The following LMO7 variants were observed in gnomAD, a reference collection of about 807,000 sequenced individuals.
LMO7 encodes LIM domain 7.
Under a neutral mutation model 206.5 loss-of-function variants are expected in LMO7, and 120 were observed. The observed-to-expected ratio is 0.58, with a 90% CI of 0.50 to 0.68. LMO7 has a LOEUF of 0.68. LMO7 is among the 30% of genes least tolerant of loss of function. LMO7 has a pLI of 0.00. For missense variants in LMO7, 1,959 were observed against 1,957.9 expected, an observed-to-expected ratio of 1.00 and a Z score of -0.01; for synonymous variants, 706 against 681.5, an observed-to-expected ratio of 1.04 and a Z score of -0.56.
At chr13:75,746,582 G>A (rs1359251542) in intron 3 of LMO7, among the ~76,000 whole-genome samples, 1 of 152,164 alleles carries the variant, frequency 6.6e-6, no homozygotes, top group Non-Finnish European at 1.5e-5. Flanking sequence ...CCTGTGTCTG[G>A]CTTGTATTGA....
chr13:75,718,656 G>A (rs1374508066), intron 2 of LMO7, among the ~76,000 whole-genome samples: 4 of 152,068 alleles, frequency 2.6e-5, no homozygotes, highest in African/African-American at 7.2e-5. Flanking sequence ...ATCACCCAGA[G>A]TCCATGGTTT....
chr13:75,782,376 A>T (rs959758535), intron 4 of LMO7, among the ~76,000 whole-genome samples: 2 of 152,232 alleles, frequency 1.3e-5, no homozygotes. Context: ...GAATTATAAC[A>T]ATATAATAAA....
intron 17 of LMO7, 71 bp from the exon 18 acceptor site, chr13:75,835,162 A>C (rs761816584): frequency 1.3e-6 from 2 of 1,592,444 alleles, no homozygotes; most frequent in Admixed American, 1.8e-5. Context: ...ACTGGGGCAA[A>C]GACCAACCTT....
intron 1 of LMO7, among the ~76,000 whole-genome samples, chr13:75,700,254 G>A (rs1246682815): frequency 2.0e-5 from 3 of 152,152 alleles, no homozygotes; most frequent in Non-Finnish European, 4.4e-5. Context: ...GAAGATGATG[G>A]GATTAAGAGA....
chr13:75,842,442 C>CTAGAGAATT (rs2059624994), intron 24 of LMO7, among the ~76,000 whole-genome samples: 1 of 151,998 alleles, frequency 6.6e-6, no homozygotes, highest in Non-Finnish European at 1.5e-5. Flanking sequence ...TTCTAGAATA[C>CTAGAGAATT]CTGATTTAAA....
chr13:75,729,083 T>C (rs1229021482), intron 3 of LMO7, among the ~76,000 whole-genome samples: 1 of 152,004 alleles, frequency 6.6e-6, no homozygotes, highest in African/African-American at 2.4e-5. Flanking sequence ...TTTGTTCTTT[T>C]GGCTTAGGAT....
upstream of LMO7, chr13:75,636,164 C>T (rs1041483618): frequency 1.1e-4 from 39 of 352,274 alleles, no homozygotes; most frequent in African/African-American, 5.0e-4. Flanking sequence ...TGGCATCTCC[C>T]GGGCCAGACA....
At chr13:75,805,849 G>C in intron 9 of LMO7, 89 bp downstream of exon 9, 1 of 1,350,178 alleles carries the variant, frequency 7.4e-7, no homozygotes, top group African/African-American at 1.5e-5. Flanking sequence ...AATAATAAGA[G>C]AGACAGAGAA....
chr13:75,713,748 G>A (rs1680589838), intron 2 of LMO7, among the ~76,000 whole-genome samples: 2 of 152,080 alleles, frequency 1.3e-5, no homozygotes, highest in East Asian at 1.9e-4. Flanking sequence ...TCAATTAATA[G>A]ACACCATTGA....
intron 4 of LMO7, among the ~76,000 whole-genome samples, chr13:75,785,203 T>C (rs532022566): frequency 6.6e-6 from 1 of 152,248 alleles, no homozygotes; most frequent in South Asian, 2.1e-4. Flanking sequence ...GATAACTTTT[T>C]GGGATTAAGA....
rs1241951036 is a variant in LMO7, at chr13:75,799,113, G to C, written c.463-1571G>C. On this transcript the variant is annotated intron_variant, in intron 6 of 30. Transcript: ENST00000377534. ...GACAGGATGTCAACTCTAATGCCAG[G>C]GTGTCGGCATCTAAAGCACATGAAA... is the stretch of plus-strand genomic sequence containing the variant. Among the ~76,000 whole-genome samples the C allele has an allele frequency of 4.6e-5, 7 of 152,244 alleles. No individual in the cohort carries two copies. In the South Asian group the frequency reaches 1.0e-3, roughly 23 times the overall value.
intron 1 of LMO7, among the ~76,000 whole-genome samples, chr13:75,693,106 G>A (rs1390360566): frequency 6.6e-6 from 1 of 152,148 alleles, no homozygotes; most frequent in Non-Finnish European, 1.5e-5. Flanking sequence ...ATAATTTTGG[G>A]TCAAGTGTAT....
intron 1 of LMO7, among the ~76,000 whole-genome samples, chr13:75,700,803 G>T (rs1304686972): frequency 1.3e-5 from 2 of 152,206 alleles, no homozygotes; most frequent in Non-Finnish European, 2.9e-5. Context: ...AATGGCTTGA[G>T]ATTTCATCAC....
intron 3 of LMO7, among the ~76,000 whole-genome samples, chr13:75,757,032 T>C (rs1384731163): frequency 6.6e-6 from 1 of 152,148 alleles, no homozygotes; most frequent in African/African-American, 2.4e-5. Flanking sequence ...GGCTGATCTG[T>C]GTAACCAACA....
chr13:75,809,282 T>G, intron 11 of LMO7, 99 bp downstream of exon 11: 1 of 993,044 alleles, frequency 1.0e-6, no homozygotes, highest in Non-Finnish European at 1.6e-6. Flanking sequence ...ATGGGGTTGT[T>G]GTGTGCTGTG....
intron 1 of LMO7, among the ~76,000 whole-genome samples, chr13:75,673,511 G>T (rs2039763470): frequency 6.6e-6 from 1 of 152,080 alleles, no homozygotes; most frequent in African/African-American, 2.4e-5. Context: ...ATGTCCAACA[G>T]CTACCTTGCA....
rs1269286128 is a variant in LMO7 at position 75,764,287 on chromosome 13, A to ATCTTCATTCTT, written c.317+3249_317+3250insTCTTCATTCTT. Among the ~76,000 whole-genome samples, 5 of 152,260 alleles carry ATCTTCATTCTT rather than the reference A, an allele frequency of 3.3e-5. No homozygotes were observed. The East Asian group carries it at 9.7e-4, about 29-fold the overall frequency. On this transcript the variant is annotated intron_variant, in intron 4 of 30. Coordinates refer to ENST00000377534, the MANE Select transcript of LMO7 (RefSeq NM_001306080.2). ...GAAATCAATCTTTTGTGTGGATGAA[A>ATCTTCATTCTT]AACTGGATCATCATTCTTAACCATT...
intron 8 of LMO7, chr13:75,805,029 C>T (rs920727643): frequency 1.5e-5 from 15 of 1,000,678 alleles, no homozygotes; most frequent in Non-Finnish European, 1.8e-5. Flanking sequence ...CTTAGCCAAC[C>T]GTAGATTCCA....
chr13:75,809,828 ATTT>A (rs35825600), intron 11 of LMO7, among the ~76,000 whole-genome samples: 224 of 122,590 alleles, frequency 1.8e-3, no homozygotes, highest in Middle Eastern at 0.013. Context: ...CAAAAACTAC[ATTT>A]TTTTTTTTTT....
Sources: allele counts gnomAD v4.1 joint callset (sites outside exome capture counted in the v4.1 genomes callset), GRCh38; gene constraint gnomAD v4.1.1; transcripts MANE v1.5; gene names NCBI Gene and HGNC (gene_info 2026-07-23, HGNC 2026-07-21).